Variants in C3orf20 observed in about 807,000 individuals in gnomAD.
The protein encoded by C3orf20 is family with sequence similarity 149 member C, also known as uncharacterized protein C3orf20.
A neutral mutation model predicts 88.3 loss-of-function variants in C3orf20; 76 were observed. The ratio of observed to expected loss-of-function variants is 0.86; its 90% CI spans 0.72 to 1.04. The LOEUF is 1.04. Ranked by LOEUF, C3orf20 falls within the 50% of genes least tolerant of loss-of-function variation. C3orf20 has a pLI of 0.00. For synonymous variants in C3orf20, 436 were observed against 437.4 expected, an observed-to-expected ratio of 1.00 and a Z score of 0.04; for missense variants, 1,056 against 1,123.3, an observed-to-expected ratio of 0.94 and a Z score of 0.86.
At chr3:14,760,072 CAT>C (rs2035511922) in intron 14 of C3orf20, 74 bp downstream of exon 14, 5 of 1,101,150 alleles carry the variant, frequency 4.5e-6, no homozygotes, top group Middle Eastern at 2.1e-4. Context: ...CAGAATCACA[CAT>C]GTGGGAGGAG....
intron 12 of C3orf20, among the ~76,000 whole-genome samples, chr3:14,741,033 A>T (rs2034884053): frequency 6.6e-6 from 1 of 152,176 alleles, no homozygotes; most frequent in Non-Finnish European, 1.5e-5. Context: ...AGTATGCCAG[A>T]TATTGTGTAT....
chr3:14,730,313 C>T (rs902782581), intron 12 of C3orf20, among the ~76,000 whole-genome samples: 1 of 152,036 alleles, frequency 6.6e-6, no homozygotes, highest in African/African-American at 2.4e-5. Flanking sequence ...TTTGGGAGGC[C>T]GAGGCGGGCA....
chr3:14,698,069 T>C (rs933912840), intron 5 of C3orf20, among the ~76,000 whole-genome samples: 2 of 152,230 alleles, frequency 1.3e-5, no homozygotes, highest in African/African-American at 4.8e-5. Flanking sequence ...TTTAGGTATA[T>C]ACCCAGTAAT....
intron 12 of C3orf20, among the ~76,000 whole-genome samples, chr3:14,739,555 T>G (rs935271093): frequency 6.6e-6 from 1 of 152,240 alleles, no homozygotes; most frequent in South Asian, 2.1e-4. Context: ...TAGCCTAAAG[T>G]CACCAGCTGC....
chr3:14,742,764 G>A (rs2034943567), intron 12 of C3orf20, among the ~76,000 whole-genome samples: 1 of 152,144 alleles, frequency 6.6e-6, no homozygotes. Context: ...GAATCATGGT[G>A]GGAGGCTAAA....
intron 10 of C3orf20, among the ~76,000 whole-genome samples, chr3:14,724,307 G>C (rs1328779304): frequency 2.0e-5 from 3 of 152,114 alleles, no homozygotes; most frequent in African/African-American, 7.2e-5. Context: ...GCAACCTCTT[G>C]TCTGATTATC....
intron 12 of C3orf20, among the ~76,000 whole-genome samples, chr3:14,757,095 G>A (rs1481838440): frequency 1.3e-5 from 2 of 152,208 alleles, no homozygotes; most frequent in South Asian, 2.1e-4. Flanking sequence ...GATGGGATGT[G>A]TTCGGTGTGA....
At chr3:14,769,653 G>A (rs2568856) in intron 15 of C3orf20, among the ~76,000 whole-genome samples, 100,058 of 151,872 alleles carry the variant, frequency 0.66, 33,349 homozygotes, top group African/African-American at 0.73. Flanking sequence ...TGCCGTGGGG[G>A]CTGGAGCTTA....
chr3:14,687,371 T>C (rs2124898327), intron 4 of C3orf20, among the ~76,000 whole-genome samples: 1 of 152,362 alleles, frequency 6.6e-6, no homozygotes, highest in Non-Finnish European at 1.5e-5. Flanking sequence ...TAAAACACTC[T>C]TACCCACAGT....
At position 14,683,044 on chromosome 3, in the gene C3orf20, A is replaced by G. The variant is rs752981324; in HGVS notation, c.331A>G (p.Thr111Ala). 6.2e-7 allele frequency: 1 copy of G among 1,611,650 alleles called. No individual in the cohort carries two copies. The highest frequency in any genetic ancestry group is 8.5e-7 in the Non-Finnish European group (1 of 1,178,896). Residue 111 changes from threonine to alanine, a missense_variant, in exon 3 of 17, where the codon ACT becomes GCT. Thr to Ala is a moderately conservative substitution (Grantham distance 58, BLOSUM62 0). Transcript: ENST00000253697. Reference protein sequence around the residue: ...APPRPVLLATTGAAKRSTLSP... With the variant: ...APPRPVLLATAGAAKRSTLSP... ...ACCACGTCCAGTGCTGCTGGCAACC[A>G]CTGGGGCAGCCAAGCGCTCCACCCT... is the stretch of plus-strand genomic sequence containing the variant.
At chr3:14,705,714 A>G (rs1263993912) in intron 7 of C3orf20, among the ~76,000 whole-genome samples, 1 of 152,232 alleles carries the variant, frequency 6.6e-6, no homozygotes, top group Non-Finnish European at 1.5e-5. Flanking sequence ...CTCTGAGGCC[A>G]GAGAGGGCAA....
At chr3:14,681,291 G>A (rs758123017) in intron 1 of C3orf20, among the ~76,000 whole-genome samples, 9 of 152,246 alleles carry the variant, frequency 5.9e-5, no homozygotes, top group Non-Finnish European at 1.3e-4. Flanking sequence ...ATCCTGGAAT[G>A]GCGAACTTGG....
intron 7 of C3orf20, among the ~76,000 whole-genome samples, chr3:14,713,783 C>T (rs1440811339): frequency 1.3e-5 from 2 of 152,194 alleles, no homozygotes; most frequent in African/African-American, 2.4e-5. Flanking sequence ...CTACCTACCA[C>T]AAGGTGGTTG....
rs532631943 is a variant in C3orf20, at chr3:14,730,529, A to G, written c.1940+1841A>G. 2.1e-4 allele frequency among the ~76,000 whole-genome samples: 32 copies of G among 152,254 alleles called. 1 individual carries two copies. Reference sequence around the variant, plus strand: ...GCCACTGCACTCCAGCCTGGGTGACAGAGCGAGACTGTGTCTCAAAAATAA... The same window carrying G: ...GCCACTGCACTCCAGCCTGGGTGACGGAGCGAGACTGTGTCTCAAAAATAA... On this transcript the variant is annotated intron_variant, in intron 12 of 16. Transcript: ENST00000253697.
chr3:14,722,545 C>T (rs1368945651), intron 10 of C3orf20: 1 of 456,752 alleles, frequency 2.2e-6, no homozygotes, highest in East Asian at 6.9e-5. Context: ...GACCCTCTCT[C>T]TACCACCCTC....
Position 14,682,984 on chromosome 3 carries a change from C to G in C3orf20, c.271C>G (p.Leu91Val), listed in dbSNP as rs761391805. ...MEPTFVQVPT[L>V]KKPLPPPPPA... ...ACCCACCTTTGTGCAGGTCCCCACA[C>G]TGAAGAAGCCACTACCTCCACCACC... is the stretch of plus-strand genomic sequence containing the variant. Residue 91 changes from leucine to valine, a missense_variant, in exon 3 of 17, where the codon CTG becomes GTG. Transcript: ENST00000253697. 29 of 1,613,262 alleles carry G rather than the reference C, an allele frequency of 1.8e-5. No homozygotes were observed. The South Asian group carries it at 3.0e-4, about 16-fold the overall frequency.
At position 14,759,941 on chromosome 3, in the gene C3orf20, G is replaced by A. The variant is rs2035506471; in HGVS notation, c.2295G>A (p.Leu765=). The change falls in exon 14 of 17, where the codon CTG becomes CTA. Residue 765 remains leucine, a synonymous_variant. Coordinates refer to ENST00000253697, the MANE Select transcript of C3orf20 (RefSeq NM_032137.5). ...TGCAGTATGACCTGGACAGCCCCCT[G>A]CAGGAGGACCCTCCCCTGATGGTGA... ...RLLQYDLDSP[L]QEDPPLMVKK... is the part of the protein sequence containing the mutation. 1.2e-6 allele frequency: 2 copies of A among 1,614,042 alleles called. No individual in the cohort carries two copies. The highest frequency in any genetic ancestry group is 1.3e-5 in the African/African-American group (1 of 74,908).
At chr3:14,677,107 C>A (rs911407718) in intron 1 of C3orf20, among the ~76,000 whole-genome samples, 1 of 152,112 alleles carries the variant, frequency 6.6e-6, no homozygotes, top group Non-Finnish European at 1.5e-5. Context: ...CATCTGGACT[C>A]GCTGCCCTTA....
chr3:14,691,162 C>A (rs2032710591), intron 5 of C3orf20, among the ~76,000 whole-genome samples: 1 of 152,232 alleles, frequency 6.6e-6, no homozygotes, highest in Admixed American at 6.5e-5. Flanking sequence ...AAATGCCTTG[C>A]TTAAAGGAGC....
Sources: gnomAD v4.1 joint callset for allele counts (sites outside exome capture counted in the v4.1 genomes callset) on GRCh38, gnomAD v4.1.1 for gene constraint, MANE v1.5 for transcripts, NCBI Gene and HGNC (gene_info 2026-07-23, HGNC 2026-07-21) for gene names.